Variants in CATSPER3 observed in about 807,000 individuals in gnomAD.
The protein encoded by CATSPER3 is cation channel sperm-associated protein 3.
Under a neutral mutation model 36.6 loss-of-function variants are expected in CATSPER3, and 23 were observed. The observed-to-expected ratio is 0.63, with a 90% CI of 0.45 to 0.89. The LOEUF (loss-of-function observed/expected upper bound fraction) is 0.89, where lower values mean the gene tolerates loss of function less well. Ranked by LOEUF, CATSPER3 falls within the 40% of genes least tolerant of loss-of-function variation. CATSPER3 has a pLI of 0.00. For missense variants in CATSPER3, 474 were observed against 503.9 expected (o/e 0.94, Z 0.57); for synonymous variants, 172 against 184.1 (o/e 0.93, Z 0.53).
chr5:135,011,040 A>G (rs1227158418), intron 7 of CATSPER3, among the ~76,000 whole-genome samples: 1 of 152,202 alleles, frequency 6.6e-6, no homozygotes, highest in Non-Finnish European at 1.5e-5. Context: ...ATGAGCAGCC[A>G]TTACTGAGCA....
intron 3 of CATSPER3, among the ~76,000 whole-genome samples, chr5:134,997,121 G>C (rs892503628): frequency 6.6e-6 from 1 of 152,218 alleles, no homozygotes; most frequent in African/African-American, 2.4e-5. Flanking sequence ...GTGCACCGTA[G>C]GTTCACCTAG....
chr5:135,010,357 A>G lies in CATSPER3; in HGVS notation c.937-16A>G. On this transcript the variant is annotated splice_polypyrimidine_tract_variant and intron_variant, in intron 6 of 7. Transcript: ENST00000282611. ...ACCTCCTCATCACTGCTCTCTCGTT[A>G]TGCTTTCCTCTCTAGAAAAATGCTG... is the stretch of plus-strand genomic sequence containing the variant. The G allele has an allele frequency of 6.2e-7, 1 of 1,612,892 alleles. No individual in the cohort carries two copies. The highest frequency in any genetic ancestry group is 8.5e-7 in the Non-Finnish European group (1 of 1,178,952).
At chr5:135,000,091 C>T (rs4264982) in intron 3 of CATSPER3, among the ~76,000 whole-genome samples, 72,229 of 152,064 alleles carry the variant, frequency 0.47, 18,392 homozygotes, top group Middle Eastern at 0.71. Context: ...CCATCAGTAC[C>T]TAATTTATTG....
At chr5:134,972,028 G>A (rs12654977) in intron 2 of CATSPER3, among the ~76,000 whole-genome samples, 18,362 of 152,072 alleles carry the variant, frequency 0.12, 1,309 homozygotes, top group East Asian at 0.27. Context: ...AGAAAAAAAA[G>A]GGTTGAGATA....
intron 2 of CATSPER3, among the ~76,000 whole-genome samples, chr5:134,986,228 T>G (rs574467318): frequency 2.6e-5 from 4 of 151,532 alleles, no homozygotes; most frequent in South Asian, 2.1e-4. Context: ...CACTGCAACC[T>G]CTGACTCCTG....
intron 2 of CATSPER3, among the ~76,000 whole-genome samples, chr5:134,990,934 CA>C (rs1751871642): frequency 6.6e-6 from 1 of 152,114 alleles, no homozygotes; most frequent in Admixed American, 6.5e-5. Context: ...ACAACAAAAT[CA>C]ATTATATTTC....
intron 3 of CATSPER3, among the ~76,000 whole-genome samples, chr5:135,002,366 C>T (rs370726871): frequency 1.9e-4 from 29 of 152,268 alleles, no homozygotes; most frequent in African/African-American, 7.0e-4. Flanking sequence ...TTGTGGGTAA[C>T]CCGACCTTTC....
At chr5:135,006,851 TA>T (rs1752095086) in intron 3 of CATSPER3, among the ~76,000 whole-genome samples, 1 of 135,172 alleles carries the variant, frequency 7.4e-6, no homozygotes, top group Admixed American at 7.3e-5. Flanking sequence ...AAAAAAAAAA[TA>T]ATAATAATAA....
At chr5:134,984,569 A>C (rs1243389695) in intron 2 of CATSPER3, among the ~76,000 whole-genome samples, 1 of 152,214 alleles carries the variant, frequency 6.6e-6, no homozygotes, top group Non-Finnish European at 1.5e-5. Context: ...CCACAATGAC[A>C]TACCACCTTA....
chr5:134,975,395 C>CAAAT (rs386405032), intron 2 of CATSPER3: 1 of 151,242 alleles, frequency 6.6e-6, no homozygotes, highest in Non-Finnish European at 1.5e-5. Flanking sequence ...AACAAACAAA[C>CAAAT]AAAAAAAACC....
chr5:135,007,585 T>TC (rs1752105804), intron 3 of CATSPER3, among the ~76,000 whole-genome samples: 1 of 152,164 alleles, frequency 6.6e-6, no homozygotes, highest in Admixed American at 6.5e-5. Flanking sequence ...CAGAGAGCAT[T>TC]CAGGGCTGGC....
chr5:135,000,001 A>G (rs1751999598), intron 3 of CATSPER3, among the ~76,000 whole-genome samples: 1 of 152,182 alleles, frequency 6.6e-6, no homozygotes, highest in Admixed American at 6.5e-5. Context: ...TTCAAAGGGA[A>G]TGCTTCCAGT....
At position 134,977,123 on chromosome 5, in the gene CATSPER3, G is replaced by T. The variant is rs1751684086; in HGVS notation, c.252+7031G>T. ...TAGCACTTAGCTCCCTTTCAGTCAT[G>T]CTAATCTCTCTAGCAAGTCATTGCT... On this transcript the variant is annotated intron_variant, in intron 2 of 7. Coordinates refer to ENST00000282611, the MANE Select transcript of CATSPER3 (RefSeq NM_178019.3). 2.6e-5 allele frequency among the ~76,000 whole-genome samples: 4 copies of T among 152,304 alleles called. No homozygotes were observed. The South Asian group carries it at 8.3e-4, about 32-fold the overall frequency.
chr5:134,992,804 G>A (rs1751894398), intron 2 of CATSPER3, among the ~76,000 whole-genome samples: 1 of 152,196 alleles, frequency 6.6e-6, no homozygotes, highest in South Asian at 2.1e-4. Flanking sequence ...CATTGCTTGT[G>A]GGAGTGTAAC....
At chr5:134,997,472 G>A (rs548984698) in intron 3 of CATSPER3, among the ~76,000 whole-genome samples, 82 of 152,144 alleles carry the variant, frequency 5.4e-4, no homozygotes, top group African/African-American at 1.9e-3. Flanking sequence ...TGTACTTCCA[G>A]TCCCACTTCC....
rs577661307 is a variant in CATSPER3, at chr5:135,009,693, C to T, written c.936+203C>T. Among the ~76,000 whole-genome samples, 8 of 152,382 alleles carry T rather than the reference C, an allele frequency of 5.2e-5. No individual in the cohort carries two copies. In the East Asian group the frequency reaches 9.6e-4, roughly 18 times the overall value. ...CATTTTTGTGTTTCTCTGGACCTCT[C>T]GGAGTGTTGAGTACTGTGATTATAA... On this transcript the variant is annotated intron_variant, in intron 6 of 7. Transcript: ENST00000282611.
intron 2 of CATSPER3, among the ~76,000 whole-genome samples, chr5:134,974,732 A>G (rs573612185): frequency 7.9e-5 from 12 of 152,344 alleles, no homozygotes; most frequent in African/African-American, 2.9e-4. Flanking sequence ...GGATACCACA[A>G]TTAATGCTTA....
chr5:134,982,336 A>T (rs1279701885), intron 2 of CATSPER3, among the ~76,000 whole-genome samples: 1 of 152,172 alleles, frequency 6.6e-6, no homozygotes, highest in Non-Finnish European at 1.5e-5. Context: ...ATGAATATAT[A>T]CATCCAAAAA....
rs553724538 is a variant in CATSPER3, at chr5:135,003,647, C to T, written c.493-4310C>T. Among the ~76,000 whole-genome samples the T allele has an allele frequency of 3.3e-5, 5 of 152,380 alleles. No individual in the cohort carries two copies. In the South Asian group the frequency reaches 1.0e-3, roughly 32 times the overall value. ...CTTTGTTTACCTACTCAAGCCTCAGCAATGGCAGGCGCCCATCCCGCAGCC... is the reference window on the plus strand; with the variant it reads ...CTTTGTTTACCTACTCAAGCCTCAGTAATGGCAGGCGCCCATCCCGCAGCC... On this transcript the variant is annotated intron_variant, in intron 3 of 7. Coordinates refer to ENST00000282611, the MANE Select transcript of CATSPER3 (RefSeq NM_178019.3).
Sources: allele counts gnomAD v4.1 joint callset (sites outside exome capture counted in the v4.1 genomes callset), GRCh38; gene constraint gnomAD v4.1.1; transcripts MANE v1.5; gene names NCBI Gene and HGNC (gene_info 2026-07-23, HGNC 2026-07-21).